Variants in PFDN4 observed in about 807,000 individuals in gnomAD.
PFDN4 encodes prefoldin subunit 4.
PFDN4 carries 6 observed loss-of-function variants against 17.6 expected under a neutral mutation model. The observed-to-expected ratio is 0.34, with a 90% confidence interval of 0.19 to 0.67. PFDN4 has a LOEUF of 0.67. PFDN4 is among the 30% of genes least tolerant of loss of function. The pLI, the probability that PFDN4 is intolerant of heterozygous loss-of-function variation, is 0.68. For missense variants in PFDN4, 119 were observed against 158.4 expected (o/e 0.75, Z 1.33); for synonymous variants, 48 against 51.1 (o/e 0.94, Z 0.26).
In PFDN4 at chr20:54,219,015, C is replaced by CT. The variant is rs772474097; in HGVS notation, c.274-4_274-3insT. On this transcript the variant is annotated splice_polypyrimidine_tract_variant and splice_region_variant and intron_variant, in intron 3 of 3. Transcript: ENST00000371419. ...AGAATTAATTTAAAATATTTTTTTT[C>CT]CAGAAAAATTTGCAAGAAGAAATTG... 462 of 1,473,126 alleles carry CT rather than the reference C, an allele frequency of 3.1e-4. No homozygotes were observed. The highest frequency in any genetic ancestry group is 4.1e-4 in the Non-Finnish European group (451 of 1,090,330). The allele number at this position is 1,473,126 out of a possible 1,614,324, so 91.3% of individuals were successfully genotyped here.
rs529861494 is a variant in PFDN4, at chr20:54,219,007, T to C, written c.274-12T>C. 1.3e-5 allele frequency: 18 copies of C among 1,415,404 alleles called. No individual in the cohort carries two copies. The South Asian group carries it at 2.3e-4, about 18-fold the overall frequency. 87.7% of individuals were successfully genotyped at this position (1,415,404 alleles called of 1,614,324 possible). Reference sequence around the variant, plus strand: ...TATTGAATAGAATTAATTTAAAATATTTTTTTTCCAGAAAAATTTGCAAGA... The same window carrying C: ...TATTGAATAGAATTAATTTAAAATACTTTTTTTCCAGAAAAATTTGCAAGA... On this transcript the variant is annotated splice_polypyrimidine_tract_variant and intron_variant, in intron 3 of 3. Transcript: ENST00000371419.
intron 1 of PFDN4, among the ~76,000 whole-genome samples, chr20:54,209,773 T>C (rs928350170): frequency 1.3e-5 from 2 of 152,206 alleles, no homozygotes; most frequent in Non-Finnish European, 2.9e-5. Context: ...ACTTTTTTTT[T>C]CCTTTCATTG....
chr20:54,214,541 A>G lies in PFDN4; in HGVS notation c.132+83A>G, dbSNP rs1027695751. 1.6e-5 allele frequency: 10 copies of G among 641,174 alleles called. No homozygotes were observed. The African/African-American group carries it at 1.9e-4, about 12-fold the overall frequency. 39.7% of individuals were successfully genotyped at this position (641,174 alleles called of 1,614,324 possible). A position where few individuals can be genotyped will look rare whatever the true frequency, so the allele number is the denominator to read the frequency against. On this transcript the variant is annotated intron_variant, in intron 2 of 3. Transcript: ENST00000371419. Reference sequence around the variant, plus strand: ...GAACTCAGTTAACAAGTGAATATATATTTCTCTGGGCTGTTTGTTGCAGAT... The same window carrying G: ...GAACTCAGTTAACAAGTGAATATATGTTTCTCTGGGCTGTTTGTTGCAGAT...
chr20:54,215,070 G>A (rs1048905768), intron 2 of PFDN4, among the ~76,000 whole-genome samples: 2 of 152,202 alleles, frequency 1.3e-5, no homozygotes, highest in Non-Finnish European at 2.9e-5. Context: ...CCATGTGCCT[G>A]CTGTCCACCA....
At chr20:54,218,994 T>G in intron 3 of PFDN4, 25 bp from the exon 4 acceptor site, 1 of 1,375,916 alleles carries the variant, frequency 7.3e-7, no homozygotes, top group Non-Finnish European at 9.9e-7. Flanking sequence ...TTGAATAGAA[T>G]TAATTTAAAA....
At chr20:54,212,180 G>A (rs1161088957) in intron 1 of PFDN4, among the ~76,000 whole-genome samples, 4 of 144,444 alleles carry the variant, frequency 2.8e-5, no homozygotes, top group African/African-American at 5.4e-5. Flanking sequence ...GCGACAGAGT[G>A]AGACTCTGTC....
At chr20:54,218,149 G>A (rs2092765097) in intron 3 of PFDN4, among the ~76,000 whole-genome samples, 1 of 145,332 alleles carries the variant, frequency 6.9e-6, no homozygotes, top group Non-Finnish European at 1.5e-5. Flanking sequence ...AAATTGTTTT[G>A]ATCCTAGCCA....
Position 54,219,489 on chromosome 20 carries a change from G to A in PFDN4, c.*339G>A. 1 of 383,358 alleles carries A rather than the reference G, an allele frequency of 2.6e-6. No individual in the cohort carries two copies. Among genetic ancestry groups the A allele is most frequent in the Non-Finnish European group, 4.6e-6 (1 of 219,560 alleles). The allele number at this position is 383,358 out of a possible 1,614,324, so 23.7% of individuals were successfully genotyped here. On this transcript the variant is annotated 3_prime_UTR_variant, in exon 4 of 4. Transcript: ENST00000371419. ...GAAAATTTAACAGTTGTGTCATGTT[G>A]TTTCTGTCTGATTTTAATTGCTGTC... is the stretch of plus-strand genomic sequence containing the variant.
chr20:54,216,047 T>C (rs932721592), intron 3 of PFDN4, among the ~76,000 whole-genome samples: 1 of 152,264 alleles, frequency 6.6e-6, no homozygotes, highest in Admixed American at 6.5e-5. Flanking sequence ...ACGGGTCTTA[T>C]TGTTAGCATT....
intron 1 of PFDN4, among the ~76,000 whole-genome samples, chr20:54,210,925 G>A (rs1001593290): frequency 1.3e-5 from 2 of 152,118 alleles, no homozygotes; most frequent in African/African-American, 4.8e-5. Context: ...GATGAAAGTT[G>A]AATACAAAAA....
At chr20:54,210,552 GTCCTC>G (rs1368055328) in intron 1 of PFDN4, among the ~76,000 whole-genome samples, 2 of 152,310 alleles carry the variant, frequency 1.3e-5, no homozygotes, top group East Asian at 3.9e-4. Context: ...AGATGATTCA[GTCCTC>G]TCCTCTCTAG....
intron 3 of PFDN4, among the ~76,000 whole-genome samples, chr20:54,218,192 TA>T (rs1176328189): frequency 2.5e-4 from 34 of 138,246 alleles, no homozygotes; most frequent in Non-Finnish European, 3.1e-4. Context: ...TTTTTTTTTT[TA>T]AAACAAAGAG....
At chr20:54,211,216 C>T (rs960100283) in intron 1 of PFDN4, among the ~76,000 whole-genome samples, 4 of 152,146 alleles carry the variant, frequency 2.6e-5, no homozygotes, top group African/African-American at 9.7e-5. Context: ...TCTAGGGACC[C>T]AGCTGTCAGT....
chr20:54,214,120 A>T (rs556131243), intron 1 of PFDN4, among the ~76,000 whole-genome samples: 1 of 152,120 alleles, frequency 6.6e-6, no homozygotes. Flanking sequence ...TATGTTTGCA[A>T]TATGTTTATA....
chr20:54,210,105 C>T (rs893151315), intron 1 of PFDN4, among the ~76,000 whole-genome samples: 1 of 152,112 alleles, frequency 6.6e-6, no homozygotes, highest in Non-Finnish European at 1.5e-5. Flanking sequence ...GGATAGGGAG[C>T]GAAGCATTCT....
At chr20:54,211,688 G>A (rs756364654) in intron 1 of PFDN4, among the ~76,000 whole-genome samples, 3 of 152,116 alleles carry the variant, frequency 2.0e-5, no homozygotes, top group Non-Finnish European at 4.4e-5. Context: ...GTTCTTCCTA[G>A]AGTTCTTCTG....
intron 1 of PFDN4, among the ~76,000 whole-genome samples, chr20:54,213,800 T>G (rs1465934050): frequency 6.6e-6 from 1 of 152,238 alleles, no homozygotes; most frequent in Non-Finnish European, 1.5e-5. Context: ...CATTCAATTT[T>G]CATCATTTTT....
chr20:54,208,868 C>T (rs1367178972), intron 1 of PFDN4: 1 of 152,150 alleles, frequency 6.6e-6, no homozygotes, highest in Non-Finnish European at 1.5e-5. Flanking sequence ...AGTTAGAGGC[C>T]CTAAAGTGAC....
intron 1 of PFDN4, 91 bp from the exon 2 acceptor site, chr20:54,214,260 A>G (rs1041351530): frequency 2.3e-5 from 16 of 694,146 alleles, no homozygotes; most frequent in South Asian, 1.4e-4. Context: ...TATGAGTGCA[A>G]ATGGCTTATT....
Sources: allele counts gnomAD v4.1 joint callset (sites outside exome capture counted in the v4.1 genomes callset), GRCh38; gene constraint gnomAD v4.1.1; transcripts MANE v1.5; gene names NCBI Gene and HGNC (gene_info 2026-07-23, HGNC 2026-07-21).